ACER3: variants seen among roughly 807,000 people sequenced by gnomAD.
ACER3 encodes the protein alkaline ceramidase 3, also known as alkCDase 3.
In ACER3, 16 loss-of-function variants were observed where a neutral mutation model predicts 48.9. The ratio of observed to expected loss-of-function variants is 0.33; its 90% CI spans 0.22 to 0.50. The LOEUF (loss-of-function observed/expected upper bound fraction) is 0.50. Ranked by LOEUF, ACER3 falls within the 20% of genes least tolerant of loss-of-function variation. The pLI is 0.98. For synonymous variants in ACER3, 109 were observed against 107.8 expected (o/e 1.01, Z -0.07); for missense variants, 227 against 326.0 (o/e 0.70, Z 2.34).
intron 6 of ACER3, chr11:76,998,446 A>C: frequency 3.4e-6 from 1 of 292,098 alleles, no homozygotes; most frequent in Non-Finnish European, 6.3e-6. Context: ...GAGAGGAGCT[A>C]AAGATTATGA....
chr11:76,904,837 A>G, intron 1 of ACER3, among the ~76,000 whole-genome samples: 1 of 135,530 alleles, frequency 7.4e-6, no homozygotes, highest in South Asian at 2.2e-4. Flanking sequence ...TCTTTTCTCT[A>G]TGTATGTGTG....
chr11:76,967,818 A>G (rs974025432), intron 3 of ACER3, among the ~76,000 whole-genome samples: 74 of 152,312 alleles, frequency 4.9e-4, no homozygotes, highest in African/African-American at 1.4e-3. Flanking sequence ...ACTTATGACA[A>G]ACCCACAGCC....
intron 2 of ACER3, among the ~76,000 whole-genome samples, chr11:76,927,552 T>C (rs992190644): frequency 6.6e-6 from 1 of 152,174 alleles, no homozygotes; most frequent in African/African-American, 2.4e-5. Flanking sequence ...GTTGGTGTGC[T>C]GCACCCATTA....
chr11:76,964,996 A>T (rs1343566149), intron 3 of ACER3, among the ~76,000 whole-genome samples: 1 of 151,360 alleles, frequency 6.6e-6, no homozygotes, highest in Non-Finnish European at 1.5e-5. Flanking sequence ...AAGGCTTCAG[A>T]AGATTAAACT....
chr11:76,912,778 T>G (rs188942869), intron 1 of ACER3, among the ~76,000 whole-genome samples: 91 of 152,274 alleles, frequency 6.0e-4, no homozygotes, highest in Non-Finnish European at 1.3e-3. Flanking sequence ...GAAATTTTTA[T>G]GCTATTTAAT....
intron 1 of ACER3, among the ~76,000 whole-genome samples, chr11:76,914,259 G>A (rs1239714101): frequency 1.3e-5 from 2 of 152,094 alleles, no homozygotes; most frequent in Non-Finnish European, 2.9e-5. Context: ...GAGTGAACAG[G>A]CAACCTACAG....
chr11:76,998,482 T>A, intron 6 of ACER3: 1 of 348,056 alleles, frequency 2.9e-6, no homozygotes, highest in Non-Finnish European at 5.1e-6. Flanking sequence ...TTTGTTCAGG[T>A]TTCAGCAGAT....
intron 2 of ACER3, among the ~76,000 whole-genome samples, chr11:76,937,174 C>T (rs1247147022): frequency 6.6e-6 from 1 of 152,158 alleles, no homozygotes; most frequent in Non-Finnish European, 1.5e-5. Context: ...GAAAACTACA[C>T]TGATACATTA....
intron 2 of ACER3, among the ~76,000 whole-genome samples, chr11:76,953,822 A>T (rs1413760630): frequency 6.6e-6 from 1 of 152,288 alleles, no homozygotes; most frequent in Non-Finnish European, 1.5e-5. Context: ...AACCCAAGTG[A>T]TATTTTTAAA....
intron 7 of ACER3, among the ~76,000 whole-genome samples, chr11:77,012,131 G>T (rs572935475): frequency 6.6e-6 from 1 of 151,986 alleles, no homozygotes; most frequent in Non-Finnish European, 1.5e-5. Flanking sequence ...AAAAAAAGCC[G>T]TTAGAGAGCC....
At chr11:76,934,443 C>T (rs1476224293) in intron 2 of ACER3, among the ~76,000 whole-genome samples, 21 of 152,336 alleles carry the variant, frequency 1.4e-4, no homozygotes, top group East Asian at 9.7e-4. Flanking sequence ...CCCGGCACCT[C>T]GGGAGGCCGA....
intron 2 of ACER3, among the ~76,000 whole-genome samples, chr11:76,932,144 T>G (rs1947019257): frequency 1.3e-5 from 2 of 152,034 alleles, no homozygotes; most frequent in South Asian, 4.1e-4. Flanking sequence ...GAGACAGGAT[T>G]TCGCCATGTT....
chr11:76,889,622 C>G (rs1945757668), intron 1 of ACER3, among the ~76,000 whole-genome samples: 1 of 152,120 alleles, frequency 6.6e-6, no homozygotes, highest in South Asian at 2.1e-4. Context: ...AATGGCCTTT[C>G]TAAACACTTG....
chr11:76,891,033 C>T (rs1049397504), intron 1 of ACER3, among the ~76,000 whole-genome samples: 4 of 151,716 alleles, frequency 2.6e-5, no homozygotes, highest in African/African-American at 7.3e-5. Flanking sequence ...GCACGAGAAT[C>T]GCTTGAACCC....
chr11:76,910,682 A>G (rs1459146149), intron 1 of ACER3, among the ~76,000 whole-genome samples: 3 of 152,216 alleles, frequency 2.0e-5, no homozygotes, highest in African/African-American at 7.2e-5. Flanking sequence ...GAGAAATGTA[A>G]ATTAAAAAGT....
chr11:76,986,489 G>A (rs1304853195), intron 5 of ACER3, among the ~76,000 whole-genome samples: 1 of 152,178 alleles, frequency 6.6e-6, no homozygotes, highest in Non-Finnish European at 1.5e-5. Flanking sequence ...GTGCAGTGAA[G>A]AATTTGTAGA....
intron 1 of ACER3, among the ~76,000 whole-genome samples, chr11:76,869,552 T>C (rs953208181): frequency 6.6e-6 from 1 of 152,228 alleles, no homozygotes; most frequent in African/African-American, 2.4e-5. Context: ...TAGTCAATAG[T>C]GTTAAGTACA....
chr11:76,979,097 T>G (rs1223612986), intron 4 of ACER3, among the ~76,000 whole-genome samples: 1 of 152,140 alleles, frequency 6.6e-6, no homozygotes, highest in African/African-American at 2.4e-5. Context: ...ATGAGCCCAG[T>G]GGGCCAGAAC....
intron 1 of ACER3, among the ~76,000 whole-genome samples, chr11:76,923,828 G>A (rs899672163): frequency 1.6e-4 from 24 of 152,256 alleles, no homozygotes; most frequent in Non-Finnish European, 2.9e-4. Flanking sequence ...CTGGCTATGT[G>A]TGTACTGGCT....
Sources: allele counts gnomAD v4.1 joint callset (sites outside exome capture counted in the v4.1 genomes callset), GRCh38; gene constraint gnomAD v4.1.1; transcripts MANE v1.5; gene names NCBI Gene and HGNC (gene_info 2026-07-23, HGNC 2026-07-21).